Variants in NDRG3 observed in about 807,000 individuals in gnomAD.
NDRG3 encodes NDRG family member 3, also known as protein NDRG3.
In NDRG3, 23 loss-of-function variants were observed where a neutral mutation model predicts 57.2. The observed-to-expected ratio is 0.40, with a 90% CI of 0.29 to 0.57. The LOEUF is 0.57. Among genes scored for constraint, NDRG3 ranks in the 20% least tolerant of loss-of-function variants. NDRG3 has a pLI of 0.42. For synonymous variants in NDRG3, 132 were observed against 162.6 expected (o/e 0.81, Z 1.43); for missense variants, 384 against 457.3 (o/e 0.84, Z 1.46).
At position 36,671,348 on chromosome 20, in the gene NDRG3, A is replaced by G; in HGVS notation, c.581T>C (p.Phe194Ser). 6.2e-7 allele frequency: 1 copy of G among 1,613,800 alleles called. No homozygotes were observed. Among genetic ancestry groups the G allele is most frequent in the Non-Finnish European group, 8.5e-7 (1 of 1,179,726 alleles). Residue 194 changes from phenylalanine to serine, a missense_variant, in exon 9 of 16, where the codon TTT becomes TCT. Phe to Ser is a radical substitution (Grantham distance 155). Transcript: ENST00000349004. ...GGTGGAACAGGTACTTACCTGCCCA[A>G]AGTGATGAGCCAAAATAATGTCCAC... ...NVVDIILAHH[F>S]GQEELQANLD... is the part of the protein sequence containing the mutation.
intron 3 of NDRG3, among the ~76,000 whole-genome samples, chr20:36,692,614 T>A (rs1229238980): frequency 1.3e-5 from 2 of 152,212 alleles, no homozygotes; most frequent in Non-Finnish European, 2.9e-5. Flanking sequence ...AAGAGGTGTC[T>A]ACCCTACAGA....
intron 9 of NDRG3, among the ~76,000 whole-genome samples, chr20:36,669,519 C>T (rs936646596): frequency 2.0e-5 from 3 of 151,604 alleles, no homozygotes; most frequent in South Asian, 2.1e-4. Flanking sequence ...CATGAGCCAC[C>T]GTGCCCAGCC....
At chr20:36,667,997 T>A (rs1485556922) in intron 9 of NDRG3, among the ~76,000 whole-genome samples, 1 of 152,114 alleles carries the variant, frequency 6.6e-6, no homozygotes, top group Non-Finnish European at 1.5e-5. Flanking sequence ...CCCAGCACTT[T>A]AGGAGGCTGA....
At chr20:36,692,444 G>A (rs1450408605) in intron 3 of NDRG3, among the ~76,000 whole-genome samples, 4 of 152,000 alleles carry the variant, frequency 2.6e-5, no homozygotes, top group Admixed American at 1.3e-4. Flanking sequence ...GGCTGGTCTC[G>A]AACTCCTGAC....
At position 36,688,560 on chromosome 20, in the gene NDRG3, G is replaced by A. The variant is rs1981987004; in HGVS notation, c.199+119C>T. 10 of 732,632 alleles carry A rather than the reference G, an allele frequency of 1.4e-5. No individual in the cohort carries two copies. In the Admixed American group the frequency reaches 2.1e-4, roughly 15 times the overall value. The allele number at this position is 732,632 out of a possible 1,614,324, so 45.4% of individuals were successfully genotyped here. A position where few individuals can be genotyped will look rare whatever the true frequency, so the allele number is the denominator to read the frequency against. ...CCATTAACGAATGTAGGAACAAGGA[G>A]GGAAAGTTACCACAGAGAGGGGGAA... On this transcript the variant is annotated intron_variant, in intron 4 of 15. Transcript: ENST00000349004.
At chr20:36,720,579 A>G (rs1984532054) in intron 2 of NDRG3, among the ~76,000 whole-genome samples, 1 of 152,098 alleles carries the variant, frequency 6.6e-6, no homozygotes. Context: ...AAAATGTGGT[A>G]TATTACTGAC....
chr20:36,696,727 G>A (rs900206194), intron 3 of NDRG3, among the ~76,000 whole-genome samples: 5 of 151,860 alleles, frequency 3.3e-5, no homozygotes, highest in Admixed American at 6.6e-5. Context: ...CCCTGACCTC[G>A]TGATCCGCCC....
At chr20:36,721,535 A>G in intron 2 of NDRG3, 144 bp downstream of exon 2, 1 of 581,974 alleles carries the variant, frequency 1.7e-6, no homozygotes, top group Non-Finnish European at 3.0e-6. Context: ...CTCAAAAAAA[A>G]AAAGAAATAG....
chr20:36,697,832 G>GTGTATATTT (rs1174249401), intron 3 of NDRG3, among the ~76,000 whole-genome samples: 1 of 151,522 alleles, frequency 6.6e-6, no homozygotes, highest in African/African-American at 2.4e-5. Context: ...TAATAGATTT[G>GTGTATATTT]TGTATATTTT....
chr20:36,706,950 T>G, intron 3 of NDRG3, 22 bp downstream of exon 3: 1 of 1,609,844 alleles, frequency 6.2e-7, no homozygotes, highest in Non-Finnish European at 8.5e-7. Context: ...CAGAGCCTCC[T>G]TCTTGCTTGT....
chr20:36,688,583 G>A (rs1219752923), intron 4 of NDRG3, 96 bp downstream of exon 4: 9 of 903,054 alleles, frequency 1.0e-5, no homozygotes, highest in Non-Finnish European at 1.6e-5. Flanking sequence ...CAGAGAGGGG[G>A]AAACCTCTGC....
intron 2 of NDRG3, among the ~76,000 whole-genome samples, chr20:36,712,939 G>A (rs1228277084): frequency 1.3e-5 from 2 of 151,922 alleles, no homozygotes; most frequent in East Asian, 3.9e-4. Flanking sequence ...TTGTCACCCA[G>A]GCTGGAGTTG....
At chr20:36,689,999 C>T (rs564521546) in intron 3 of NDRG3, among the ~76,000 whole-genome samples, 21 of 152,194 alleles carry the variant, frequency 1.4e-4, no homozygotes, top group African/African-American at 4.3e-4. Flanking sequence ...AGATTACAGA[C>T]GTGAGCCACC....
Position 36,653,448 on chromosome 20 carries a change from G to A in NDRG3, c.*72C>T, listed in dbSNP as rs977013784. The A allele has an allele frequency of 5.0e-6, 7 of 1,389,550 alleles. No homozygotes were observed. In the African/African-American group the frequency reaches 1.0e-4, roughly 20 times the overall value. The allele number at this position is 1,389,550 out of a possible 1,614,324, so 86.1% of individuals were successfully genotyped here. A position where few individuals can be genotyped will look rare whatever the true frequency, so the allele number is the denominator to read the frequency against. On this transcript the variant is annotated 3_prime_UTR_variant, in exon 16 of 16. Coordinates refer to ENST00000349004, the MANE Select transcript of NDRG3 (RefSeq NM_032013.4). The surrounding 1 kb of genome is among the most constrained non-coding windows in gnomAD (Gnocchi z 4.2). The stretch of plus-strand genomic sequence containing the variant: ...TAAAGATAGTAGAGGCCAGTTTACT[G>A]GATGAAATGTTATATTATGGAGTGG...
At chr20:36,693,240 GTA>G (rs1366740383) in intron 3 of NDRG3, among the ~76,000 whole-genome samples, 2 of 141,492 alleles carry the variant, frequency 1.4e-5, no homozygotes, top group Admixed American at 7.3e-5. Flanking sequence ...ATATATGTGT[GTA>G]TATATATATT....
intron 8 of NDRG3, among the ~76,000 whole-genome samples, chr20:36,673,421 CAG>C (rs1980357458): frequency 6.6e-6 from 1 of 151,450 alleles, no homozygotes; most frequent in Non-Finnish European, 1.5e-5. Flanking sequence ...TTTTTTGAGA[CAG>C]GGTCTCGTTC....
intron 9 of NDRG3, among the ~76,000 whole-genome samples, chr20:36,666,597 T>G (rs1434824492): frequency 6.6e-6 from 1 of 152,078 alleles, no homozygotes. Context: ...CTGTGTCAGA[T>G]GAGGGCAGCA....
intron 5 of NDRG3, among the ~76,000 whole-genome samples, chr20:36,686,470 A>G (rs1981790234): frequency 6.6e-6 from 1 of 152,186 alleles, no homozygotes; most frequent in Non-Finnish European, 1.5e-5. Context: ...AATATTAGCT[A>G]TTATTTGTCT....
At chr20:36,745,899 G>A (rs1986168196) in intron 1 of NDRG3, 146 bp downstream of exon 1, 2 of 201,560 alleles carry the variant, frequency 9.9e-6, no homozygotes, top group Non-Finnish European at 2.0e-5. Flanking sequence ...AGAGGGCCCC[G>A]GGGGCACGGG....
Sources: allele counts gnomAD v4.1 joint callset (sites outside exome capture counted in the v4.1 genomes callset), GRCh38; gene constraint gnomAD v4.1.1; non-coding constraint Gnocchi (gnomAD v3.1); transcripts MANE v1.5; gene names NCBI Gene and HGNC (gene_info 2026-07-23, HGNC 2026-07-21).